CHST9: variants seen among roughly 807,000 people sequenced by gnomAD.
The protein encoded by CHST9 is GalNAc-4-sulfotransferase 2.
In CHST9, 41 loss-of-function variants were observed where a neutral mutation model predicts 44.4. The observed-to-expected ratio is 0.92, with a 90% CI of 0.72 to 1.20. The LOEUF (loss-of-function observed/expected upper bound fraction) is 1.20, where lower values mean the gene tolerates loss of function less well. Among genes scored for constraint, CHST9 ranks in the 50% most tolerant of loss-of-function variants. The pLI, the probability that CHST9 is intolerant of heterozygous loss-of-function variation, is 0.00. For missense variants in CHST9, 504 were observed against 516.5 expected (o/e 0.98, Z 0.23); for synonymous variants, 171 against 178.4 (o/e 0.96, Z 0.33).
At chr18:27,018,308 C>T (rs549582650) in intron 4 of CHST9, among the ~76,000 whole-genome samples, 1 of 152,194 alleles carries the variant, frequency 6.6e-6, no homozygotes, top group Non-Finnish European at 1.5e-5. Flanking sequence ...TGCTGATCAG[C>T]TTATTAGAAT....
intron 2 of CHST9, among the ~76,000 whole-genome samples, chr18:27,098,302 G>A (rs1353916754): frequency 6.6e-6 from 1 of 151,990 alleles, no homozygotes; most frequent in African/African-American, 2.4e-5. Context: ...AGAAAGTCAG[G>A]AAACAACAGA....
At chr18:27,147,843 T>C (rs1402079537) in intron 1 of CHST9, 1 of 151,342 alleles carries the variant, frequency 6.6e-6, no homozygotes, top group African/African-American at 2.4e-5. Context: ...GTTCTATTGA[T>C]TCAATACTAT....
chr18:27,181,390 T>C (rs2058911179), intron 1 of CHST9, among the ~76,000 whole-genome samples: 1 of 152,206 alleles, frequency 6.6e-6, no homozygotes, highest in African/African-American at 2.4e-5. Context: ...TCAACTATTT[T>C]ATCTAGCTTG....
chr18:26,983,060 G>A (rs138854887), intron 4 of CHST9, among the ~76,000 whole-genome samples: 270 of 152,206 alleles, frequency 1.8e-3, no homozygotes, highest in African/African-American at 2.8e-3. Flanking sequence ...AATATTAGCC[G>A]GGCTAAGAAT....
intron 1 of CHST9, among the ~76,000 whole-genome samples, chr18:27,143,592 T>C (rs141240364): frequency 4.3e-4 from 58 of 135,260 alleles, no homozygotes; most frequent in African/African-American, 1.3e-3. Context: ...CCTTAACCTT[T>C]TATTTTTTTT....
At chr18:27,050,377 A>G (rs532227182) in intron 2 of CHST9, among the ~76,000 whole-genome samples, 40 of 152,296 alleles carry the variant, frequency 2.6e-4, no homozygotes, top group African/African-American at 9.1e-4. Flanking sequence ...GTTTGGGATA[A>G]GTGAAGACCA....
intron 5 of CHST9, chr18:26,930,650 T>A (rs886683867): frequency 1.3e-5 from 2 of 153,768 alleles, no homozygotes; most frequent in Non-Finnish European, 2.9e-5. Flanking sequence ...GCCTCTCCTT[T>A]TGTTCCCTTT....
In CHST9 at chr18:26,910,283, G is replaced by A. The variant is rs141254700; in HGVS notation, c.*5976C>T. ...CACTGGATATAGGACCAAAGGGCAA[G>A]CAGCACTGTGAGCAAGGATATGGAA... On this transcript the variant is annotated 3_prime_UTR_variant, in exon 6 of 6. Transcript: ENST00000618847. 6.6e-6 allele frequency: 1 copy of A among 151,268 alleles called. No individual in the cohort carries two copies. The highest frequency in any genetic ancestry group is 6.6e-5 in the Admixed American group (1 of 15,122). The allele number at this position is 151,268 out of a possible 1,614,324, so 9.4% of individuals were successfully genotyped here.
At chr18:27,175,303 C>G (rs2058859795) in intron 1 of CHST9, among the ~76,000 whole-genome samples, 2 of 151,668 alleles carry the variant, frequency 1.3e-5, no homozygotes, top group Non-Finnish European at 2.9e-5. Context: ...AATCTTAGAC[C>G]ACTTCTTAAT....
chr18:27,059,314 T>C (rs2143606457), intron 2 of CHST9, among the ~76,000 whole-genome samples: 1 of 152,294 alleles, frequency 6.6e-6, no homozygotes, highest in African/African-American at 2.4e-5. Context: ...TACCATATAT[T>C]GTTAGAATTA....
At chr18:27,032,112 G>A (rs117117580) in intron 3 of CHST9, among the ~76,000 whole-genome samples, 483 of 152,170 alleles carry the variant, frequency 3.2e-3, no homozygotes, top group Non-Finnish European at 5.5e-3. Flanking sequence ...TACACCACAC[G>A]ATCTATCAAA....
intron 4 of CHST9, among the ~76,000 whole-genome samples, chr18:27,022,643 A>G (rs778457827): frequency 7.1e-4 from 108 of 152,104 alleles, no homozygotes; most frequent in Non-Finnish European, 1.1e-3. Context: ...TGATGTCTCC[A>G]TGCTTTTGCT....
chr18:26,988,050 A>G (rs2056774763), intron 4 of CHST9, among the ~76,000 whole-genome samples: 1 of 152,138 alleles, frequency 6.6e-6, no homozygotes, highest in South Asian at 2.1e-4. Context: ...TATCTACCCT[A>G]AAAGAATGAC....
At chr18:27,060,350 C>T (rs1247409956) in intron 2 of CHST9, among the ~76,000 whole-genome samples, 1 of 152,098 alleles carries the variant, frequency 6.6e-6, no homozygotes, top group Admixed American at 6.5e-5. Flanking sequence ...TGTCTGAATG[C>T]CTAAGGCAAC....
chr18:27,144,639 T>G (rs963147813), intron 1 of CHST9, among the ~76,000 whole-genome samples: 1 of 152,096 alleles, frequency 6.6e-6, no homozygotes, highest in Non-Finnish European at 1.5e-5. Context: ...CAGTGAGCCA[T>G]GATCAGGCCA....
intron 3 of CHST9, among the ~76,000 whole-genome samples, chr18:27,039,822 T>C (rs2057426060): frequency 1.3e-5 from 2 of 152,188 alleles, no homozygotes; most frequent in South Asian, 4.1e-4. Flanking sequence ...TGCTTATCTA[T>C]ATGTCCTGGG....
At chr18:26,932,435 A>C (rs182123855) in intron 5 of CHST9, among the ~76,000 whole-genome samples, 4 of 152,264 alleles carry the variant, frequency 2.6e-5, no homozygotes, top group Non-Finnish European at 5.9e-5. Flanking sequence ...TCACTCCATC[A>C]ATGTTGTTTT....
At position 26,911,096 on chromosome 18, in the gene CHST9, T is replaced by C. The variant is rs1190364004; in HGVS notation, c.*5163A>G. On this transcript the variant is annotated 3_prime_UTR_variant, in exon 6 of 6. Transcript: ENST00000618847. ...CTCCCTTCCCTCAGCTGCCCTGCTC[T>C]AGCACCTTCCTTTCAGATCCTCTGG... 1 of 152,250 alleles carries C rather than the reference T, an allele frequency of 6.6e-6. No individual in the cohort carries two copies. The highest frequency in any genetic ancestry group is 1.5e-5 in the Non-Finnish European group (1 of 68,040). The allele number at this position is 152,250 out of a possible 1,614,324, so 9.4% of individuals were successfully genotyped here. A position where few individuals can be genotyped will look rare whatever the true frequency, so the allele number is the denominator to read the frequency against.
rs2145022403 is a variant in CHST9 at position 26,906,743 on chromosome 18, G to A, written c.*9516C>T. ...GCTTCCCAATCTCTCATAGTACTCA[G>A]GGCAGAGCATCTCATCTGAGCCAGG... On this transcript the variant is annotated 3_prime_UTR_variant, in exon 6 of 6. Transcript: ENST00000618847. 6.6e-6 allele frequency: 1 copy of A among 152,276 alleles called. No homozygotes were observed. The highest frequency in any genetic ancestry group is 6.5e-5 in the Admixed American group (1 of 15,294). 9.4% of individuals were successfully genotyped at this position (152,276 alleles called of 1,614,324 possible). A position where few individuals can be genotyped will look rare whatever the true frequency, so the allele number is the denominator to read the frequency against.
Sources: allele counts gnomAD v4.1 joint callset (sites outside exome capture counted in the v4.1 genomes callset), GRCh38; gene constraint gnomAD v4.1.1; transcripts MANE v1.5; gene names NCBI Gene and HGNC (gene_info 2026-07-23, HGNC 2026-07-21).